VPS26C: variants seen among roughly 807,000 people sequenced by gnomAD.
The protein encoded by VPS26C is VPS26 endosomal protein sorting factor C.
Under a neutral mutation model 30.6 loss-of-function variants are expected in VPS26C, and 19 were observed. That is an observed-to-expected ratio of 0.62 (90% CI 0.43 to 0.91). The LOEUF is 0.91. Ranked by LOEUF, VPS26C falls within the 40% of genes least tolerant of loss-of-function variation. VPS26C has a pLI of 0.00. For synonymous variants in VPS26C, 132 were observed against 151.5 expected (o/e 0.87, Z 0.95); for missense variants, 318 against 385.1 (o/e 0.83, Z 1.46).
At chr21:37,240,151 C>T (rs1243305232) in intron 2 of VPS26C, among the ~76,000 whole-genome samples, 4 of 152,118 alleles carry the variant, frequency 2.6e-5, no homozygotes, top group Non-Finnish European at 5.9e-5. Context: ...GACATGGTAT[C>T]TTGCTCTGTT....
chr21:37,267,498 T>C, upstream of VPS26C: 2 of 595,172 alleles, frequency 3.4e-6, no homozygotes, highest in Non-Finnish European at 6.0e-6. Flanking sequence ...AGAGCCGGCC[T>C]TAGTGCGGGC....
intron 1 of VPS26C, 160 bp downstream of exon 1, chr21:37,267,078 G>A: frequency 2.8e-6 from 2 of 715,540 alleles, no homozygotes; most frequent in Middle Eastern, 3.8e-4. Flanking sequence ...CACCTGGCGG[G>A]GACGCACCTG....
chr21:37,245,596 G>T (rs2086129961), intron 1 of VPS26C, among the ~76,000 whole-genome samples: 1 of 151,990 alleles, frequency 6.6e-6, no homozygotes, highest in Non-Finnish European at 1.5e-5. Context: ...TAAGACAAAA[G>T]TGCCTCCCTA....
chr21:37,255,407 C>T (rs149571373), intron 1 of VPS26C, among the ~76,000 whole-genome samples: 66 of 152,262 alleles, frequency 4.3e-4, no homozygotes, highest in African/African-American at 1.4e-3. Flanking sequence ...CATGGGGGAA[C>T]GGTAGTGAGG....
chr21:37,227,501 G>A, intron 7 of VPS26C, 153 bp downstream of exon 7: 1 of 849,634 alleles, frequency 1.2e-6, no homozygotes, highest in Non-Finnish European at 1.8e-6. Flanking sequence ...GCAGCCGAAG[G>A]GCAGCAGGCT....
In VPS26C at chr21:37,233,437, T is replaced by G. The variant is rs764855279; in HGVS notation, c.357A>C (p.Thr119=). The change falls in exon 4 of 8, where the codon ACA becomes ACC. Residue 119 remains threonine (T), a synonymous_variant. Transcript: ENST00000309117. The surrounding 1 kb of genome is among the most constrained non-coding windows in gnomAD (Gnocchi z 5.2). ...YHGVFVNIQY[T]LRCDMKRSLL... The stretch of plus-strand genomic sequence containing the variant: ...GAGACCGCTTCATGTCACAGCGCAG[T>G]GTATACTAAAGGGGAGAGTTGGAGG... The G allele has an allele frequency of 4.3e-6, 7 of 1,613,902 alleles. No homozygotes were observed.
Position 37,233,415 on chromosome 21 carries a change from A to T in VPS26C, c.379T>A (p.Ser127Thr). 6.2e-7 allele frequency: 1 copy of T among 1,614,162 alleles called. No homozygotes were observed. Among genetic ancestry groups the T allele is most frequent in the Non-Finnish European group, 8.5e-7 (1 of 1,180,014 alleles). ...TTTGTCAAGTCCTTGGCCAACAGAG[A>T]CCGCTTCATGTCACAGCGCAGTGTA... is the stretch of plus-strand genomic sequence containing the variant. ...QYTLRCDMKR[S>T]LLAKDLTKTC... Residue 127 changes from serine to threonine, a missense_variant, in exon 4 of 8, where the codon TCT becomes ACT. Ser to Thr is a moderately conservative substitution (Grantham distance 58, BLOSUM62 1). Coordinates refer to ENST00000309117, the MANE Select transcript of VPS26C (RefSeq NM_006052.2). The surrounding 1 kb of genome is among the most constrained non-coding windows in gnomAD (Gnocchi z 5.2).
chr21:37,247,244 G>A (rs1457832478), intron 1 of VPS26C, among the ~76,000 whole-genome samples: 1 of 152,116 alleles, frequency 6.6e-6, no homozygotes, highest in East Asian at 1.9e-4. Context: ...GGACAGTGCT[G>A]ATTTAAAGTT....
At chr21:37,264,351 G>A (rs2086337196) in intron 1 of VPS26C, among the ~76,000 whole-genome samples, 1 of 152,136 alleles carries the variant, frequency 6.6e-6, no homozygotes, top group South Asian at 2.1e-4. Flanking sequence ...TGTAGTCTAA[G>A]GGACAGAGCT....
At chr21:37,259,160 C>A (rs373470490) in intron 1 of VPS26C, among the ~76,000 whole-genome samples, 2 of 151,748 alleles carry the variant, frequency 1.3e-5, no homozygotes, top group East Asian at 1.9e-4. Flanking sequence ...TACAACTGAT[C>A]ATTCATTTAC....
rs372683532 is a variant in VPS26C at position 37,267,306 on chromosome 21, C to T, written c.-12G>A. ...AGGGCGGTCCCCATCTCCAATTCTCCGCAGCAGCCGCCACTTCCGGCTGCG... is the reference window on the plus strand; with the variant it reads ...AGGGCGGTCCCCATCTCCAATTCTCTGCAGCAGCCGCCACTTCCGGCTGCG... On this transcript the variant is annotated 5_prime_UTR_variant, in exon 1 of 8. Coordinates refer to ENST00000309117, the MANE Select transcript of VPS26C (RefSeq NM_006052.2). 1.9e-6 allele frequency: 3 copies of T among 1,607,694 alleles called. No homozygotes were observed. The highest frequency in any genetic ancestry group is 1.7e-5 in the Admixed American group (1 of 59,790).
rs2148278904 is a variant in VPS26C at position 37,225,522 on chromosome 21, C to T, written c.*22G>A. The T allele has an allele frequency of 6.2e-7, 1 of 1,609,364 alleles. No homozygotes were observed. The highest frequency in any genetic ancestry group is 1.3e-5 in the African/African-American group (1 of 74,966). Reference sequence around the variant, plus strand: ...GGATTTCCAGATGGCCACTCCCGTTCTCTATGCTTCCCTCCTCCGGGCTAT... The same window carrying T: ...GGATTTCCAGATGGCCACTCCCGTTTTCTATGCTTCCCTCCTCCGGGCTAT... On this transcript the variant is annotated 3_prime_UTR_variant, in exon 8 of 8. Coordinates refer to ENST00000309117, the MANE Select transcript of VPS26C (RefSeq NM_006052.2).
intron 1 of VPS26C, chr21:37,266,990 G>T (rs1173619623): frequency 4.6e-5 from 26 of 562,340 alleles, no homozygotes; most frequent in Non-Finnish European, 7.9e-5. Context: ...CTGGGCGCCT[G>T]CCCTGCACGT....
At chr21:37,256,467 T>C (rs2148305607) in intron 1 of VPS26C, among the ~76,000 whole-genome samples, 2 of 152,366 alleles carry the variant, frequency 1.3e-5, no homozygotes, top group Middle Eastern at 3.4e-3. Flanking sequence ...AAGACTTCAT[T>C]TAATAAAAGG....
upstream of VPS26C, chr21:37,267,430 T>C: frequency 1.4e-6 from 1 of 726,160 alleles, no homozygotes; most frequent in South Asian, 1.7e-5. Context: ...CGCAGCGGCG[T>C]CGCACACACT....
rs748180801 is a variant in VPS26C at position 37,223,494 on chromosome 21, T to C, written c.*2050A>G. ...CCAAACCTTTTCTCAAAATTGTCAT[T>C]AGCTTTTTAAATTCGTTAAATATTT... is the stretch of plus-strand genomic sequence containing the variant. On this transcript the variant is annotated 3_prime_UTR_variant, in exon 8 of 8. Transcript: ENST00000309117. The C allele has an allele frequency of 1.3e-5, 2 of 152,270 alleles. No individual in the cohort carries two copies. The highest frequency in any genetic ancestry group is 2.4e-5 in the African/African-American group (1 of 41,470). The allele number at this position is 152,270 out of a possible 1,614,324, so 9.4% of individuals were successfully genotyped here. A position where few individuals can be genotyped will look rare whatever the true frequency, so the allele number is the denominator to read the frequency against.
chr21:37,253,836 G>A (rs1437658697), intron 1 of VPS26C, among the ~76,000 whole-genome samples: 5 of 152,094 alleles, frequency 3.3e-5, no homozygotes, highest in Admixed American at 1.3e-4. Flanking sequence ...TTCGGATTCT[G>A]GATTTTTGGA....
intron 1 of VPS26C, among the ~76,000 whole-genome samples, chr21:37,258,804 G>T (rs566036646): frequency 6.6e-6 from 1 of 152,154 alleles, no homozygotes; most frequent in African/African-American, 2.4e-5. Context: ...AACACGCCGC[G>T]GTGGTCAAGC....
chr21:37,254,868 T>C (rs1351568987), intron 1 of VPS26C, among the ~76,000 whole-genome samples: 1 of 152,048 alleles, frequency 6.6e-6, no homozygotes, highest in Admixed American at 6.5e-5. Context: ...GTAGGGTAGA[T>C]CACGTGTTAA....
Sources: gnomAD v4.1 joint callset for allele counts (sites outside exome capture counted in the v4.1 genomes callset) on GRCh38, gnomAD v4.1.1 for gene constraint, Gnocchi (gnomAD v3.1) non-coding constraint, MANE v1.5 for transcripts, NCBI Gene and HGNC (gene_info 2026-07-23, HGNC 2026-07-21) for gene names.